CDH3: variants seen among roughly 807,000 people sequenced by gnomAD.
CDH3 encodes cadherin 3, also known as cadherin-3.
A neutral mutation model predicts 82.0 loss-of-function variants in CDH3; 54 were observed. That is an observed-to-expected ratio of 0.66 (90% CI 0.53 to 0.83). The LOEUF (loss-of-function observed/expected upper bound fraction) is 0.83, where lower values mean the gene tolerates loss of function less well. Ranked by LOEUF, CDH3 falls within the 40% of genes least tolerant of loss-of-function variation. The pLI, the probability that CDH3 is intolerant of heterozygous loss-of-function variation, is 0.00. For missense variants in CDH3, 1,054 were observed against 1,084.6 expected, an observed-to-expected ratio of 0.97 and a Z score of 0.40; for synonymous variants, 446 against 437.9, an observed-to-expected ratio of 1.02 and a Z score of -0.23.
intron 1 of CDH3, among the ~76,000 whole-genome samples, chr16:68,719,246 A>G (rs1253721498): frequency 1.7e-5 from 1 of 57,648 alleles, no homozygotes; most frequent in Non-Finnish European, 5.0e-5. Context: ...CTCCGTCTCA[A>G]AAAAAAAGAA....
downstream of CDH3, among the ~76,000 whole-genome samples, chr16:68,732,334 C>A (rs1486259305): frequency 1.3e-5 from 2 of 152,154 alleles, no homozygotes; most frequent in African/African-American, 2.4e-5. Flanking sequence ...AGGGGCACCT[C>A]CCACCCCAAT....
intron 2 of CDH3, chr16:68,651,928 G>C (rs1227338623): frequency 2.7e-6 from 1 of 371,990 alleles, no homozygotes; most frequent in Non-Finnish European, 5.5e-6. Context: ...CAGTATGAGG[G>C]GCCCTTGTTG....
rs746790992 is a variant in CDH3, at chr16:68,681,019, G to A, written c.919G>A (p.Gly307Ser). ...TIQATDMDGDGSTTTAVAVVE... is the reference protein window; with the variant it reads ...TIQATDMDGDSSTTTAVAVVE... ...CCAGGCCACAGACATGGATGGGGAC[G>A]GCTCCACCACCACGGCAGTGGCAGT... The change falls in exon 8 of 16, where the codon GGC becomes AGC. Residue 307 changes from glycine to serine, a missense_variant. Coordinates refer to ENST00000264012, the MANE Select transcript of CDH3 (RefSeq NM_001793.6). The A allele has an allele frequency of 3.7e-6, 6 of 1,613,972 alleles. No homozygotes were observed. Among genetic ancestry groups the A allele is most frequent in the Admixed American group, 1.7e-5 (1 of 60,014 alleles).
At position 68,645,668 on chromosome 16, in the gene CDH3, G is replaced by T. The variant is rs992399939; in HGVS notation, c.78G>T (p.Pro26=). ...GGCTGCAGTGCGCGGCCTCCGAGCC[G>T]TGCCGGGCGGTCTTCAGGGAGGCTG... ...VCWLQCAASE[P]CRAVFREAEV... The change falls in exon 2 of 16, where the codon CCG becomes CCT. Residue 26 remains proline (P), a synonymous_variant. Coordinates refer to ENST00000264012, the MANE Select transcript of CDH3 (RefSeq NM_001793.6). 4.5e-6 allele frequency: 7 copies of T among 1,544,352 alleles called. No individual in the cohort carries two copies. Among genetic ancestry groups the T allele is most frequent in the African/African-American group, 1.4e-5 (1 of 72,992 alleles).
At position 68,689,523 on chromosome 16, in the gene CDH3, G is replaced by A. The variant is rs929575203; in HGVS notation, c.1795+1787G>A. ...TGCACTCCAGCCTGGGTGACAGAGC[G>A]AGACTCTGTCTCAGAAAAATTAAAA... On this transcript the variant is annotated intron_variant, in intron 12 of 15. Transcript: ENST00000264012. 6.7e-5 allele frequency among the ~76,000 whole-genome samples: 10 copies of A among 149,552 alleles called. 1 individual carries two copies. In the South Asian group the frequency reaches 1.5e-3, roughly 23 times the overall value.
chr16:68,669,622 G>A (rs954210927), intron 2 of CDH3, among the ~76,000 whole-genome samples: 2 of 151,912 alleles, frequency 1.3e-5, no homozygotes, highest in Admixed American at 6.6e-5. Context: ...GTGGCGGGGG[G>A]GGTGGGCGGT....
rs917565987 is a variant in CDH3, at chr16:68,645,677, G to A, written c.87G>A (p.Ala29=). ...GCGCGGCCTCCGAGCCGTGCCGGGC[G>A]GTCTTCAGGGAGGCTGAAGTGACCT... ...LQCAASEPCR[A]VFREAEVTLE... is the part of the protein sequence containing the mutation. The change falls in exon 2 of 16, where the codon GCG becomes GCA. Residue 29 remains alanine (A), a synonymous_variant. Transcript: ENST00000264012. 4 of 1,545,276 alleles carry A rather than the reference G, an allele frequency of 2.6e-6. No homozygotes were observed. The Admixed American group carries it at 7.8e-5, about 30-fold the overall frequency.
At chr16:68,657,436 C>A (rs901493438) in intron 2 of CDH3, among the ~76,000 whole-genome samples, 5 of 152,166 alleles carry the variant, frequency 3.3e-5, no homozygotes, top group African/African-American at 1.2e-4. Flanking sequence ...ATTGCTTGAA[C>A]CTGGGAGGCA....
Position 68,679,648 on chromosome 16 carries a change from T to C in CDH3, c.692-151T>C, listed in dbSNP as rs1961147690. 7.0e-6 allele frequency: 4 copies of C among 570,962 alleles called. No homozygotes were observed. In the South Asian group the frequency reaches 8.2e-5, roughly 12 times the overall value. 35.4% of individuals were successfully genotyped at this position (570,962 alleles called of 1,614,324 possible). The stretch of plus-strand genomic sequence containing the variant: ...AGGCAGAGGTTGCAGTGAGTCGAGA[T>C]CACACCATTGCACTCCAGCCTGGGT... On this transcript the variant is annotated intron_variant, in intron 6 of 15. Transcript: ENST00000264012.
rs1418968046 is a variant in CDH3 at position 68,700,224 on chromosome 16, A to G, written c.*1824A>G. 1.3e-5 allele frequency: 2 copies of G among 152,234 alleles called. No individual in the cohort carries two copies. The highest frequency in any genetic ancestry group is 4.8e-5 in the African/African-American group (2 of 41,466). 9.4% of individuals were successfully genotyped at this position (152,234 alleles called of 1,614,324 possible). ...CGTGAAGTTCAAAGTCATCTTTGCA[A>G]TTAGCCAAAAGAATCTGAAGTGAAG... On this transcript the variant is annotated 3_prime_UTR_variant, in exon 16 of 16. Coordinates refer to ENST00000264012, the MANE Select transcript of CDH3 (RefSeq NM_001793.6).
intron 2 of CDH3, among the ~76,000 whole-genome samples, chr16:68,647,180 G>T (rs1213348075): frequency 6.6e-6 from 1 of 152,034 alleles, no homozygotes; most frequent in Non-Finnish European, 1.5e-5. Context: ...ATGTGAATTC[G>T]GGCAGGGCCC....
At chr16:68,694,141 C>T (rs914522371) in intron 13 of CDH3, among the ~76,000 whole-genome samples, 4 of 151,384 alleles carry the variant, frequency 2.6e-5, no homozygotes, top group Non-Finnish European at 5.9e-5. Context: ...GCCTGGGTGA[C>T]AGAGCGAGAC....
intron 11 of CDH3, chr16:68,686,540 G>A: frequency 8.6e-7 from 1 of 1,158,282 alleles, no homozygotes; most frequent in South Asian, 1.2e-5. Flanking sequence ...GGATTCTAAA[G>A]GAAAGGGTGG....
rs1245348759 is a variant in CDH3, at chr16:68,707,927, G to T, written c.99+12004G>T. Among the ~76,000 whole-genome samples, 2 of 152,198 alleles carry T rather than the reference G, an allele frequency of 1.3e-5. No homozygotes were observed. Among genetic ancestry groups the T allele is most frequent in the East Asian group, 3.9e-4 (2 of 5,168 alleles). On this transcript the variant is annotated intron_variant, in intron 1 of 2. Coordinates refer to the CDH3 transcript ENST00000569080. This position sits in a 1 kb window ranked among gnomAD's most constrained non-coding sequence, Gnocchi z 4.5. ...TTCTGTCCCCACTGTTGTCCATCCGGTAAACCACGGCCAGCCCACAGCTGA... is the reference window on the plus strand; with the variant it reads ...TTCTGTCCCCACTGTTGTCCATCCGTTAAACCACGGCCAGCCCACAGCTGA...
At position 68,678,858 on chromosome 16, in the gene CDH3, T is replaced by C; in HGVS notation, c.643T>C (p.Phe215Leu). The change falls in exon 6 of 16, where the codon TTT becomes CTT. Residue 215 changes from phenylalanine to leucine, a missense_variant. Physicochemically the swap from Phe to Leu is conservative, Grantham distance 22 (BLOSUM62 0). Transcript: ENST00000264012. ...VTDQNDHKPK[F>L]TQDTFRGSVL... ...CGACCAGAATGACCACAAGCCCAAG[T>C]TTACCCAGGACACCTTCCGAGGGAG... The C allele has an allele frequency of 6.2e-7, 1 of 1,614,048 alleles. No homozygotes were observed. The highest frequency in any genetic ancestry group is 8.5e-7 in the Non-Finnish European group (1 of 1,180,018).
At chr16:68,663,489 C>T (rs1229904185) in intron 2 of CDH3, among the ~76,000 whole-genome samples, 2 of 152,086 alleles carry the variant, frequency 1.3e-5, no homozygotes, top group Non-Finnish European at 2.9e-5. Context: ...CCGCCTCGGC[C>T]TCCCAAAGTG....
intron 1 of CDH3, among the ~76,000 whole-genome samples, chr16:68,711,252 G>A (rs1242320296): frequency 6.6e-6 from 1 of 151,344 alleles, no homozygotes; most frequent in African/African-American, 2.4e-5. Flanking sequence ...GGAGGTTGCC[G>A]TGAGCTGGGT....
rs374459412 is a variant in CDH3, at chr16:68,647,126, A to C, written c.160+1376A>C. On this transcript the variant is annotated intron_variant, in intron 2 of 15. Transcript: ENST00000264012. ...ACTTTAAATTCTTGCGCAGGGGTTT[A>C]TTACTGGCTGGCTAACAAACTGCAA... is the stretch of plus-strand genomic sequence containing the variant. 1.5e-4 allele frequency among the ~76,000 whole-genome samples: 23 copies of C among 152,278 alleles called. 1 individual carries two copies. The highest frequency in any genetic ancestry group is 5.3e-4 in the African/African-American group (22 of 41,566).
At chr16:68,731,368 CAAAAAAAAAAAAAAA>C (rs869074059), downstream of CDH3, among the ~76,000 whole-genome samples, 27 of 2,264 alleles carry the variant, frequency 0.012, 2 homozygotes, top group East Asian at 0.032. Flanking sequence ...AACTCCGTCT[CAAAAAAAAAAAAAAA>C]AAAAAAAAAA....
Sources: allele counts gnomAD v4.1 joint callset (sites outside exome capture counted in the v4.1 genomes callset), GRCh38; gene constraint gnomAD v4.1.1; non-coding constraint Gnocchi (gnomAD v3.1); transcripts MANE v1.5; gene names NCBI Gene and HGNC (gene_info 2026-07-23, HGNC 2026-07-21).